PCDH15: variants seen among roughly 807,000 people sequenced by gnomAD.
PCDH15 encodes protocadherin-15.
In PCDH15, 129 loss-of-function variants were observed where a neutral mutation model predicts 178.5. That is an observed-to-expected ratio of 0.72 (90% CI 0.63 to 0.84). The LOEUF is 0.84. Among genes scored for constraint, PCDH15 ranks in the 40% least tolerant of loss-of-function variants. PCDH15 has a pLI of 0.00. For synonymous variants in PCDH15, 800 were observed against 732.0 expected, an observed-to-expected ratio of 1.09 and a Z score of -1.50; for missense variants, 2,230 against 2,099.9, an observed-to-expected ratio of 1.06 and a Z score of -1.21.
rs767792591 is a variant in PCDH15, at chr10:53,903,232, A to T, written c.3501+11T>A. The T allele has an allele frequency of 1.2e-5, 19 of 1,612,218 alleles. No homozygotes were observed. The highest frequency in any genetic ancestry group is 1.6e-5 in the Non-Finnish European group (19 of 1,179,056). Reference sequence around the variant, plus strand: ...TACTTTAGTTCTGTATATTAACATAATTCCGCATACCTTCACTCTGAGTAC... The same window carrying T: ...TACTTTAGTTCTGTATATTAACATATTTCCGCATACCTTCACTCTGAGTAC... On this transcript the variant is annotated intron_variant, in intron 26 of 37. Coordinates refer to ENST00000644397, the MANE Select transcript of PCDH15 (RefSeq NM_001384140.1).
At chr10:55,214,520 T>G (rs1265877850) in intron 1 of PCDH15, among the ~76,000 whole-genome samples, 5 of 151,918 alleles carry the variant, frequency 3.3e-5, no homozygotes, top group Non-Finnish European at 7.4e-5. Context: ...TATCCAAATT[T>G]TTTTGTCTTA....
chr10:55,437,099 G>A (rs941540507), intron 2 of PCDH15, among the ~76,000 whole-genome samples: 5 of 152,092 alleles, frequency 3.3e-5, no homozygotes, highest in African/African-American at 1.2e-4. Context: ...TATAATGATG[G>A]TCATACAATT....
chr10:53,816,617 A>T (rs1291610741), intron 34 of PCDH15, among the ~76,000 whole-genome samples: 1 of 152,188 alleles, frequency 6.6e-6, no homozygotes, highest in East Asian at 1.9e-4. Context: ...ACTGTGTGTC[A>T]TATAATTACT....
intron 1 of PCDH15, among the ~76,000 whole-genome samples, chr10:54,704,441 T>G (rs1347671100): frequency 6.6e-6 from 1 of 151,524 alleles, no homozygotes; most frequent in Non-Finnish European, 1.5e-5. Flanking sequence ...CCGGAATTTC[T>G]AAGGAACTTA....
intron 2 of PCDH15, among the ~76,000 whole-genome samples, chr10:55,131,523 A>G (rs1487959618): frequency 6.6e-6 from 1 of 152,168 alleles, no homozygotes; most frequent in Non-Finnish European, 1.5e-5. Context: ...GCTGTATGGC[A>G]GGTCCTGAGT....
chr10:55,574,549 T>C (rs750286426), intron 2 of PCDH15, among the ~76,000 whole-genome samples: 1 of 152,086 alleles, frequency 6.6e-6, no homozygotes, highest in Non-Finnish European at 1.5e-5. Context: ...GGGAATATTT[T>C]ATTTTCCCCT....
intron 3 of PCDH15, among the ~76,000 whole-genome samples, chr10:54,870,995 A>G (rs1954029726): frequency 6.6e-6 from 1 of 152,146 alleles, no homozygotes; most frequent in African/African-American, 2.4e-5. Flanking sequence ...GCCCCCGGGC[A>G]ATCTCAGGAT....
chr10:55,007,947 T>G (rs2131939183), intron 2 of PCDH15, among the ~76,000 whole-genome samples: 1 of 152,288 alleles, frequency 6.6e-6, no homozygotes, highest in African/African-American at 2.4e-5. Flanking sequence ...TTTTACAACT[T>G]ATAAAAGACA....
chr10:55,432,127 C>A (rs1380484189), intron 2 of PCDH15, among the ~76,000 whole-genome samples: 1 of 131,060 alleles, frequency 7.6e-6, no homozygotes, highest in African/African-American at 2.6e-5. Context: ...CAAGTCTCTC[C>A]AATTATATGC....
intron 1 of PCDH15, among the ~76,000 whole-genome samples, chr10:55,168,035 T>G (rs1839239493): frequency 6.6e-6 from 1 of 152,188 alleles, no homozygotes; most frequent in African/African-American, 2.4e-5. Flanking sequence ...CTTTGGGGAT[T>G]AATGTATATC....
intron 3 of PCDH15, among the ~76,000 whole-genome samples, chr10:54,436,150 GAAGGAAGA>G (rs1023608421): frequency 1.3e-5 from 2 of 148,744 alleles, no homozygotes; most frequent in African/African-American, 4.9e-5. Context: ...AGAAAGAAAG[GAAGGAAGA>G]AAGGAAGGAA....
intron 3 of PCDH15, among the ~76,000 whole-genome samples, chr10:54,837,355 T>C (rs944202149): frequency 2.6e-5 from 4 of 152,062 alleles, no homozygotes; most frequent in East Asian, 3.9e-4. Flanking sequence ...TGTCCCCATA[T>C]ACACCCCTAA....
intron 1 of PCDH15, among the ~76,000 whole-genome samples, chr10:55,201,076 G>A (rs936657085): frequency 6.6e-5 from 10 of 152,048 alleles, no homozygotes; most frequent in African/African-American, 2.4e-4. Flanking sequence ...ATAGTGACTG[G>A]TTGAGCAACA....
intron 9 of PCDH15, among the ~76,000 whole-genome samples, chr10:54,229,205 G>C (rs1302431444): frequency 6.6e-6 from 1 of 152,120 alleles, no homozygotes; most frequent in Non-Finnish European, 1.5e-5. Context: ...AAACCGTGGA[G>C]ATCCAGGCAG....
intron 3 of PCDH15, among the ~76,000 whole-genome samples, chr10:54,866,058 A>T (rs1002472876): frequency 1.3e-5 from 2 of 152,194 alleles, no homozygotes; most frequent in African/African-American, 4.8e-5. Context: ...ACTTTTCTTT[A>T]AAAAAGTAAG....
At chr10:55,525,565 G>C (rs1841285874) in intron 2 of PCDH15, among the ~76,000 whole-genome samples, 1 of 151,714 alleles carries the variant, frequency 6.6e-6, no homozygotes, top group Non-Finnish European at 1.5e-5. Context: ...CTGCTTATAA[G>C]GAAGTCTACT....
intron 13 of PCDH15, among the ~76,000 whole-genome samples, chr10:54,162,107 A>AT (rs1266379066): frequency 2.0e-5 from 3 of 152,102 alleles, no homozygotes; most frequent in East Asian, 1.9e-4. Context: ...ATATTTATCC[A>AT]TTTTTTTCTG....
chr10:54,999,607 C>T (rs569590658), intron 2 of PCDH15, among the ~76,000 whole-genome samples: 86 of 152,254 alleles, frequency 5.6e-4, no homozygotes, highest in Admixed American at 2.9e-3. Context: ...GCTGGTGCTG[C>T]GTGCTTCAGA....
chr10:55,452,088 T>C (rs1333264925), intron 2 of PCDH15, among the ~76,000 whole-genome samples: 1 of 152,160 alleles, frequency 6.6e-6, no homozygotes, highest in African/African-American at 2.4e-5. Flanking sequence ...TGTCTTTCCA[T>C]TTTTGCATAC....
Sources: allele counts gnomAD v4.1 joint callset (sites outside exome capture counted in the v4.1 genomes callset), GRCh38; gene constraint gnomAD v4.1.1; transcripts MANE v1.5; gene names NCBI Gene and HGNC (gene_info 2026-07-23, HGNC 2026-07-21).